The following PCLO variants were observed in gnomAD, a reference collection of about 807,000 sequenced individuals.
PCLO encodes the protein protein piccolo.
A neutral mutation model predicts 427.5 loss-of-function variants in PCLO; 82 were observed. The ratio of observed to expected loss-of-function variants is 0.19; its 90% CI spans 0.16 to 0.23. PCLO has a LOEUF of 0.23. PCLO is among the 10% of genes least tolerant of loss of function. The pLI is 1.00. For missense variants in PCLO, 6,239 were observed against 6,115.9 expected, an observed-to-expected ratio of 1.02 and a Z score of -0.67; for synonymous variants, 2,357 against 2,155.4, an observed-to-expected ratio of 1.09 and a Z score of -2.59.
At chr7:82,928,864 A>C (rs749180856) in intron 6 of PCLO, among the ~76,000 whole-genome samples, 1 of 152,302 alleles carries the variant, frequency 6.6e-6, no homozygotes, top group Non-Finnish European at 1.5e-5. Context: ...AGTTAGACAC[A>C]GCTGTTGGCT....
chr7:82,926,383 T>C (rs1388253605), intron 6 of PCLO, among the ~76,000 whole-genome samples: 1 of 152,170 alleles, frequency 6.6e-6, no homozygotes, highest in East Asian at 1.9e-4. Context: ...TGAAAAATTT[T>C]TTAAAGGTAG....
At position 82,953,422 on chromosome 7, in the gene PCLO, C is replaced by T. The variant is rs773045757; in HGVS notation, c.7531G>A (p.Ala2511Thr). The T allele has an allele frequency of 8.7e-6, 14 of 1,612,812 alleles. No homozygotes were observed. Among genetic ancestry groups the T allele is most frequent in the Middle Eastern group, 1.6e-4 (1 of 6,082 alleles). ...HRPEPSKPPI[A>T]PKPVIPQLPT... The stretch of plus-strand genomic sequence containing the variant: ...AGCTGAGGAATCACTGGTTTGGGGG[C>T]GATTGGAGGTTTGCTTGGCTCAGGC... Residue 2511 changes from alanine to threonine, a missense_variant, in exon 5 of 25, where the codon GCC (alanine) becomes ACC (threonine). Transcript: ENST00000333891.
At chr7:82,978,636 A>G (rs1378625233) in intron 3 of PCLO, among the ~76,000 whole-genome samples, 1 of 152,152 alleles carries the variant, frequency 6.6e-6, no homozygotes, top group African/African-American at 2.4e-5. Context: ...CAACATATAC[A>G]TACATATTCA....
intron 13 of PCLO, 21 bp from the exon 14 acceptor site, chr7:82,841,530 T>C (rs372785810): frequency 2.9e-6 from 4 of 1,380,418 alleles, no homozygotes; most frequent in Non-Finnish European, 4.1e-6. Context: ...AAAGAACATA[T>C]ATTACATTAA....
In PCLO at chr7:82,914,792, C is replaced by T. The variant is rs1357899033; in HGVS notation, c.13194G>A (p.Leu4398=). The T allele has an allele frequency of 6.2e-7, 1 of 1,613,392 alleles. No homozygotes were observed. The highest frequency in any genetic ancestry group is 1.7e-5 in the Admixed American group (1 of 59,932). ...TRDQFGSSHS[L]PEVQQHMREE... ...CCCTCATGTGTTGCTGAACTTCAGGCAATGAGTGGCTTGATCCAAACTGAT... is the reference window on the plus strand; with the variant it reads ...CCCTCATGTGTTGCTGAACTTCAGGTAATGAGTGGCTTGATCCAAACTGAT... The change falls in exon 7 of 25, where the codon TTG becomes TTA. Residue 4398 remains leucine (L), a synonymous_variant. Transcript: ENST00000333891.
At chr7:82,992,866 T>C (rs899791408) in intron 3 of PCLO, among the ~76,000 whole-genome samples, 6 of 152,148 alleles carry the variant, frequency 3.9e-5, no homozygotes, top group African/African-American at 1.4e-4. Flanking sequence ...TGTTTTAAAG[T>C]AATTTCAGAT....
rs1461804958 is a variant in PCLO, at chr7:82,966,173, A to G, written c.3615T>C (p.Ala1205=). Residue 1205 remains alanine, a synonymous_variant, in exon 4 of 25, where the codon GCT becomes GCC. Transcript: ENST00000333891. ...QEESKLEKDK[A]SALQEKKPLP... is the part of the protein sequence containing the mutation. Reference sequence around the variant, plus strand: ...GTGGCTTTTTTTCTTGAAGAGCTGAAGCTTTGTCTTTCTCTAGTTTACTCT... The same window carrying G: ...GTGGCTTTTTTTCTTGAAGAGCTGAGGCTTTGTCTTTCTCTAGTTTACTCT... 1.9e-6 allele frequency: 3 copies of G among 1,610,158 alleles called. No homozygotes were observed. In the African/African-American group the frequency reaches 4.0e-5, roughly 22 times the overall value.
chr7:82,900,779 A>G (rs970547785), intron 9 of PCLO, among the ~76,000 whole-genome samples: 3 of 151,956 alleles, frequency 2.0e-5, no homozygotes, highest in African/African-American at 7.2e-5. Flanking sequence ...ATTATCATAT[A>G]TATGTTAATT....
intron 6 of PCLO, among the ~76,000 whole-genome samples, chr7:82,920,007 T>C (rs760135400): frequency 6.6e-6 from 1 of 151,860 alleles, no homozygotes; most frequent in Non-Finnish European, 1.5e-5. Flanking sequence ...TAGTATCACT[T>C]AAGAGGACAG....
At chr7:82,879,253 G>T in intron 10 of PCLO, 84 bp downstream of exon 10, 2 of 1,203,682 alleles carry the variant, frequency 1.7e-6, no homozygotes, top group Non-Finnish European at 2.3e-6. Flanking sequence ...CACAGAGAAG[G>T]ATGAGAACAT....
chr7:83,057,340 ATATATATATTTTTTTTTTTT>A (rs1562942452), intron 3 of PCLO, among the ~76,000 whole-genome samples: 1 of 25,110 alleles, frequency 4.0e-5, no homozygotes, highest in Non-Finnish European at 7.6e-5. Flanking sequence ...ATATATATAT[ATATATATATTTTTTTTTTTT>A]TTTTTTTTTT....
intron 3 of PCLO, among the ~76,000 whole-genome samples, chr7:83,082,635 G>A (rs1458629447): frequency 6.6e-6 from 1 of 151,790 alleles, no homozygotes; most frequent in East Asian, 1.9e-4. Flanking sequence ...ATAGCTAAAA[G>A]AGTAGAATTG....
At position 82,915,794 on chromosome 7, in the gene PCLO, G is replaced by A. The variant is rs908123689; in HGVS notation, c.12192C>T (p.Thr4064=). The change falls in exon 7 of 25, where the codon ACC becomes ACT. Residue 4064 remains threonine (T), a synonymous_variant. Coordinates refer to ENST00000333891, the MANE Select transcript of PCLO (RefSeq NM_033026.6). ...EITKGTAALS[T]AFSLHEKDLS... Reference sequence around the variant, plus strand: ...GATCCTTTTCATGAAGGCTAAATGCGGTGCTTAATGCCGCTGTTCCTTTGG... The same window carrying A: ...GATCCTTTTCATGAAGGCTAAATGCAGTGCTTAATGCCGCTGTTCCTTTGG... 12 of 1,612,632 alleles carry A rather than the reference G, an allele frequency of 7.4e-6. No individual in the cohort carries two copies. Among genetic ancestry groups the A allele is most frequent in the Admixed American group, 5.0e-5 (3 of 59,806 alleles).
chr7:82,968,777 C>T (rs1342392597), intron 3 of PCLO, among the ~76,000 whole-genome samples: 1 of 152,026 alleles, frequency 6.6e-6, no homozygotes, highest in Non-Finnish European at 1.5e-5. Context: ...TCTTGGCCTC[C>T]CAAAGTGCTG....
intron 10 of PCLO, among the ~76,000 whole-genome samples, chr7:82,859,408 G>A (rs1372579794): frequency 1.3e-5 from 2 of 152,202 alleles, no homozygotes; most frequent in Non-Finnish European, 2.9e-5. Flanking sequence ...AGAACAGAGA[G>A]AGACAGACGT....
chr7:82,895,704 A>C (rs1344504547), intron 9 of PCLO, among the ~76,000 whole-genome samples: 2 of 151,954 alleles, frequency 1.3e-5, no homozygotes, highest in Non-Finnish European at 2.9e-5. Context: ...ATAGTTATAA[A>C]ACATAGGTGA....
chr7:82,841,549 T>C (rs910147804), intron 13 of PCLO, 40 bp from the exon 14 acceptor site: 1 of 1,199,422 alleles, frequency 8.3e-7, no homozygotes, highest in African/African-American at 1.5e-5. Flanking sequence ...AATAGATACA[T>C]TTTTCACATA....
chr7:82,798,024 T>C (rs1233761839), intron 22 of PCLO, among the ~76,000 whole-genome samples: 2 of 152,148 alleles, frequency 1.3e-5, no homozygotes, highest in Non-Finnish European at 2.9e-5. Context: ...CATTACTTTT[T>C]ACATTCTGAA....
At chr7:83,145,032 T>C (rs1791959577) in intron 2 of PCLO, among the ~76,000 whole-genome samples, 4 of 152,346 alleles carry the variant, frequency 2.6e-5, no homozygotes, top group South Asian at 2.1e-4. Context: ...TACTACTTTA[T>C]ATTGAAGTGA....
Sources: allele counts gnomAD v4.1 joint callset (sites outside exome capture counted in the v4.1 genomes callset), GRCh38; gene constraint gnomAD v4.1.1; transcripts MANE v1.5; gene names NCBI Gene and HGNC (gene_info 2026-07-23, HGNC 2026-07-21).